The following KLHL1 variants were observed in gnomAD, a reference collection of about 807,000 sequenced individuals.
The protein encoded by KLHL1 is kelch-like protein 1.
KLHL1 carries 47 observed loss-of-function variants against 77.7 expected under a neutral mutation model. The observed-to-expected ratio is 0.60, with a 90% CI of 0.48 to 0.77. The LOEUF is 0.77. Ranked by LOEUF, KLHL1 falls within the 30% of genes least tolerant of loss-of-function variation. The pLI, the probability that KLHL1 is intolerant of heterozygous loss-of-function variation, is 0.00. For synonymous variants in KLHL1, 360 were observed against 325.2 expected (o/e 1.11, Z -1.15); for missense variants, 925 against 910.8 (o/e 1.02, Z -0.20).
chr13:69,923,298 C>A (rs951059626), intron 4 of KLHL1, among the ~76,000 whole-genome samples: 1 of 152,152 alleles, frequency 6.6e-6, no homozygotes, highest in Non-Finnish European at 1.5e-5. Context: ...GAGTCACTGG[C>A]CCACTTTGCC....
chr13:69,740,475 T>A lies in KLHL1; in HGVS notation c.1721A>T (p.Asp574Val). ...WSYLNTVERW[D>V]PQSQQWTFVA... The stretch of plus-strand genomic sequence containing the variant: ...AAATGTCCATTGTTGACTCTGTGGA[T>A]CCCACCTTTCCACTGTATTCAGATA... The change falls in exon 8 of 11, where the codon GAT becomes GTT. Residue 574 changes from aspartate to valine, a missense_variant. Physicochemically the swap from Asp to Val is radical, Grantham distance 152. Transcript: ENST00000377844. 6.2e-7 allele frequency: 1 copy of A among 1,613,012 alleles called. No homozygotes were observed. Among genetic ancestry groups the A allele is most frequent in the African/African-American group, 1.3e-5 (1 of 75,042 alleles).
At chr13:69,885,856 A>G (rs1881197414) in intron 4 of KLHL1, among the ~76,000 whole-genome samples, 1 of 152,214 alleles carries the variant, frequency 6.6e-6, no homozygotes, top group Admixed American at 6.5e-5. Context: ...ATAGTAATCA[A>G]CTCTGTAGAA....
chr13:70,061,107 A>G (rs1234950814), intron 1 of KLHL1, among the ~76,000 whole-genome samples: 3 of 152,040 alleles, frequency 2.0e-5, no homozygotes, highest in East Asian at 3.9e-4. Context: ...AGAAGTGAGG[A>G]TGGTTATCTC....
Position 69,762,414 on chromosome 13 carries a change from T to C in KLHL1, c.1640-21858A>G, listed in dbSNP as rs184835384. Among the ~76,000 whole-genome samples the C allele has an allele frequency of 9.2e-5, 14 of 152,206 alleles. No individual in the cohort carries two copies. In the East Asian group the frequency reaches 2.7e-3, roughly 29 times the overall value. ...AGTGCTGCAAGGCTTTAAAGCATTATGCCAAAGTGTATTTTCACTAGGTAA... is the reference window on the plus strand; with the variant it reads ...AGTGCTGCAAGGCTTTAAAGCATTACGCCAAAGTGTATTTTCACTAGGTAA... On this transcript the variant is annotated intron_variant, in intron 7 of 10. Transcript: ENST00000377844.
At chr13:70,098,679 A>G (rs1375453604) in intron 1 of KLHL1, among the ~76,000 whole-genome samples, 1 of 151,884 alleles carries the variant, frequency 6.6e-6, no homozygotes, top group Non-Finnish European at 1.5e-5. Context: ...TGTCATCAAG[A>G]GGTGGAGCTG....
chr13:70,070,117 G>A (rs888691717), intron 1 of KLHL1, among the ~76,000 whole-genome samples: 3 of 150,856 alleles, frequency 2.0e-5, no homozygotes, highest in Non-Finnish European at 2.9e-5. Flanking sequence ...GCAGGGAGCC[G>A]AGTCCAGCCT....
In KLHL1 at chr13:69,892,130, A is replaced by G. The variant is rs1378875494; in HGVS notation, c.1015-9635T>C. Among the ~76,000 whole-genome samples, 3 of 152,244 alleles carry G rather than the reference A, an allele frequency of 2.0e-5. No individual in the cohort carries two copies. In the East Asian group the frequency reaches 5.8e-4, roughly 29 times the overall value. On this transcript the variant is annotated intron_variant, in intron 4 of 10. Coordinates refer to ENST00000377844, the MANE Select transcript of KLHL1 (RefSeq NM_020866.3). Reference sequence around the variant, plus strand: ...CTGCCTCCTTGATAAATTGCTGAACATCGGTATTTGCCAATATTCTTTAGG... The same window carrying G: ...CTGCCTCCTTGATAAATTGCTGAACGTCGGTATTTGCCAATATTCTTTAGG...
intron 8 of KLHL1, 63 bp from the exon 9 acceptor site, chr13:69,719,644 G>T (rs1872952766): frequency 3.8e-6 from 5 of 1,310,666 alleles, no homozygotes; most frequent in Non-Finnish European, 2.1e-6. Context: ...ATATAGAAAA[G>T]GTCCTTTAAA....
At chr13:69,717,483 C>T (rs1872819604) in intron 9 of KLHL1, among the ~76,000 whole-genome samples, 1 of 152,174 alleles carries the variant, frequency 6.6e-6, no homozygotes, top group Non-Finnish European at 1.5e-5. Flanking sequence ...ATCCACTGCA[C>T]TCCTATAACT....
At chr13:70,018,713 A>G (rs1885717946) in intron 1 of KLHL1, among the ~76,000 whole-genome samples, 1 of 149,918 alleles carries the variant, frequency 6.7e-6, no homozygotes, top group African/African-American at 2.5e-5. Context: ...AAAGGGTTTA[A>G]AGATTTACAG....
chr13:69,967,697 C>A (rs1464597535), intron 2 of KLHL1, among the ~76,000 whole-genome samples: 2 of 152,120 alleles, frequency 1.3e-5, no homozygotes, highest in African/African-American at 4.8e-5. Context: ...TCAGCCTGGC[C>A]AAGATGGCAA....
rs554493625 is a variant in KLHL1 at position 69,805,247 on chromosome 13, G to A, written c.1415-8285C>T. Among the ~76,000 whole-genome samples the A allele has an allele frequency of 8.4e-4, 128 of 151,886 alleles. 1 individual carries two copies. The highest frequency in any genetic ancestry group is 2.9e-3 in the African/African-American group (122 of 41,504). ...TAAAATATTAATAGAGTGATATGTA[G>A]CTATGTATAGACATATACATTTAAG... is the stretch of plus-strand genomic sequence containing the variant. On this transcript the variant is annotated intron_variant, in intron 6 of 10. Coordinates refer to ENST00000377844, the MANE Select transcript of KLHL1 (RefSeq NM_020866.3).
chr13:69,880,251 GAA>G (rs1880936359), intron 5 of KLHL1, among the ~76,000 whole-genome samples: 1 of 152,040 alleles, frequency 6.6e-6, no homozygotes, highest in African/African-American at 2.4e-5. Context: ...TTTAATATTA[GAA>G]ATATATGTAA....
intron 1 of KLHL1, among the ~76,000 whole-genome samples, chr13:70,083,129 A>T (rs1347943654): frequency 6.6e-6 from 1 of 152,218 alleles, no homozygotes; most frequent in Admixed American, 6.5e-5. Context: ...AACAAAAAAA[A>T]ATCCTAGAGT....
chr13:69,819,007 TC>T (rs1456147250), intron 6 of KLHL1, among the ~76,000 whole-genome samples: 3 of 152,256 alleles, frequency 2.0e-5, no homozygotes, highest in African/African-American at 7.2e-5. Context: ...TGTATCATTT[TC>T]TTTCTCAAAG....
At chr13:69,807,358 A>C (rs1043518890) in intron 6 of KLHL1, among the ~76,000 whole-genome samples, 3 of 152,072 alleles carry the variant, frequency 2.0e-5, no homozygotes, top group Non-Finnish European at 2.9e-5. Context: ...CTGCCTAGCC[A>C]AGAAGGGACA....
Position 70,107,381 on chromosome 13 carries a change from C to T in KLHL1, c.319G>A (p.Ala107Thr), listed in dbSNP as rs765081288. 2 of 1,614,064 alleles carry T rather than the reference C, an allele frequency of 1.2e-6. No individual in the cohort carries two copies. Among genetic ancestry groups the T allele is most frequent in the South Asian group, 2.2e-5 (2 of 91,088 alleles). Residue 107 changes from alanine to threonine, a missense_variant, in exon 1 of 11, where the codon GCT (alanine) becomes ACT (threonine). Ala to Thr is a moderately conservative substitution (Grantham distance 58). Coordinates refer to ENST00000377844, the MANE Select transcript of KLHL1 (RefSeq NM_020866.3). ...LPVATRLQQG[A>T]PGQGTQQPAR... ...GGCTGCTGAGTGCCCTGCCCAGGAG[C>T]CCCTTGCTGCAGCCTCGTGGCAACT...
intron 1 of KLHL1, among the ~76,000 whole-genome samples, chr13:70,055,544 A>C (rs922830939): frequency 2.0e-5 from 3 of 152,126 alleles, no homozygotes; most frequent in South Asian, 2.1e-4. Flanking sequence ...AGATTGCATT[A>C]ACTAGTAATA....
chr13:70,033,651 GCT>G (rs1886172238), intron 1 of KLHL1, among the ~76,000 whole-genome samples: 1 of 100,918 alleles, frequency 9.9e-6, no homozygotes, highest in Non-Finnish European at 1.8e-5. Flanking sequence ...ACAGAGTCTT[GCT>G]CTGTTGTTCA....
Sources: gnomAD v4.1 joint callset for allele counts (sites outside exome capture counted in the v4.1 genomes callset) on GRCh38, gnomAD v4.1.1 for gene constraint, MANE v1.5 for transcripts, NCBI Gene and HGNC (gene_info 2026-07-23, HGNC 2026-07-21) for gene names.